PTPRD: variants seen among roughly 807,000 people sequenced by gnomAD.
PTPRD encodes the protein protein tyrosine phosphatase receptor type D, also known as receptor-type tyrosine-protein phosphatase delta.
In PTPRD, 34 loss-of-function variants were observed where a neutral mutation model predicts 214.5. The observed-to-expected ratio is 0.16, with a 90% confidence interval of 0.12 to 0.21. The LOEUF (loss-of-function observed/expected upper bound fraction) is 0.21. Ranked by LOEUF, PTPRD falls within the 10% of genes least tolerant of loss-of-function variation. PTPRD has a pLI of 1.00. For synonymous variants in PTPRD, 1,128 were observed against 845.7 expected (o/e 1.33, Z -5.79); for missense variants, 2,545 against 2,398.7 (o/e 1.06, Z -1.27).
intron 8 of PTPRD, among the ~76,000 whole-genome samples, chr9:9,566,822 T>C (rs928723001): frequency 6.6e-6 from 1 of 151,992 alleles, no homozygotes; most frequent in African/African-American, 2.4e-5. Flanking sequence ...TACTTTCTTC[T>C]CATGGAAAAA....
intron 7 of PTPRD, among the ~76,000 whole-genome samples, chr9:9,580,232 G>A (rs1265759965): frequency 1.3e-5 from 2 of 152,082 alleles, no homozygotes; most frequent in Non-Finnish European, 1.5e-5. Context: ...ATCAAGTAGT[G>A]GGATTGCTGG....
chr9:9,289,861 C>A (rs895904100), intron 9 of PTPRD, among the ~76,000 whole-genome samples: 1 of 151,644 alleles, frequency 6.6e-6, no homozygotes, highest in African/African-American at 2.4e-5. Context: ...TATCTCTCAG[C>A]AGACACTTAG....
chr9:8,548,321 G>A (rs1215277351), intron 14 of PTPRD, among the ~76,000 whole-genome samples: 1 of 152,090 alleles, frequency 6.6e-6, no homozygotes, highest in Non-Finnish European at 1.5e-5. Flanking sequence ...GTGACAAGCT[G>A]GAAGGAATCT....
At chr9:9,951,623 G>C (rs1415979017) in intron 4 of PTPRD, among the ~76,000 whole-genome samples, 2 of 152,196 alleles carry the variant, frequency 1.3e-5, no homozygotes, top group Non-Finnish European at 2.9e-5. Flanking sequence ...TATCTGAGAT[G>C]AATTTCTTAC....
chr9:8,674,456 C>CAAAAAAAAAAAAAAAAAAAAAAAA, intron 12 of PTPRD, among the ~76,000 whole-genome samples: 1 of 62,332 alleles, frequency 1.6e-5, no homozygotes, highest in Non-Finnish European at 2.8e-5. Context: ...GACGCTGTCT[C>CAAAAAAAAAAAAAAAAAAAAAAAA]AAAAAAAAAA....
chr9:8,353,928 GTGTGTGTACATATATATA>G (rs2076285595), intron 39 of PTPRD, among the ~76,000 whole-genome samples: 1 of 105,854 alleles, frequency 9.4e-6, no homozygotes, highest in African/African-American at 4.9e-5. Flanking sequence ...GTATATATAT[GTGTGTGTACATATATATA>G]TATATATATA....
intron 7 of PTPRD, among the ~76,000 whole-genome samples, chr9:9,613,458 A>G (rs76577183): frequency 6.6e-6 from 1 of 152,076 alleles, no homozygotes; most frequent in African/African-American, 2.4e-5. Flanking sequence ...TTTGCCATCT[A>G]CTTTTGATAC....
chr9:10,480,514 A>T (rs1053144962), intron 2 of PTPRD, among the ~76,000 whole-genome samples: 69 of 152,214 alleles, frequency 4.5e-4, no homozygotes, highest in Admixed American at 1.4e-3. Context: ...TAAATAGAAA[A>T]AAAGCAAGAC....
chr9:8,673,928 C>T (rs1052481932), intron 12 of PTPRD, among the ~76,000 whole-genome samples: 2 of 152,120 alleles, frequency 1.3e-5, no homozygotes, highest in African/African-American at 4.8e-5. Context: ...AGTAGCACAT[C>T]CTGCCCCCTA....
intron 3 of PTPRD, among the ~76,000 whole-genome samples, chr9:10,083,353 G>T (rs2098274267): frequency 6.6e-6 from 1 of 151,882 alleles, no homozygotes; most frequent in Non-Finnish European, 1.5e-5. Context: ...TGCCTATGTA[G>T]GTTTTCATAT....
intron 2 of PTPRD, among the ~76,000 whole-genome samples, chr9:10,584,928 C>G (rs192147266): frequency 6.6e-6 from 1 of 152,200 alleles, no homozygotes; most frequent in Admixed American, 6.5e-5. Flanking sequence ...AAACCATCAC[C>G]CAAACTACTC....
rs1265762685 is a variant in PTPRD, at chr9:10,017,816, G to A, written c.-472+15902C>T. Among the ~76,000 whole-genome samples, 4 of 151,920 alleles carry A rather than the reference G, an allele frequency of 2.6e-5. No individual in the cohort carries two copies. The East Asian group carries it at 5.8e-4, about 22-fold the overall frequency. On this transcript the variant is annotated intron_variant, in intron 4 of 45. Coordinates refer to ENST00000381196, the MANE Select transcript of PTPRD (RefSeq NM_002839.4). ...TTGGGAGAATTAATTTTTCAAGAAT[G>A]TCTTGATGAAACTTTCCCCAATTGA... is the stretch of plus-strand genomic sequence containing the variant.
intron 10 of PTPRD, among the ~76,000 whole-genome samples, chr9:9,053,668 C>A (rs2099690818): frequency 6.6e-6 from 1 of 152,046 alleles, no homozygotes; most frequent in Admixed American, 6.6e-5. Flanking sequence ...GTGACCAAGT[C>A]TGTGGTACTT....
At chr9:8,726,381 G>A (rs1272675485) in intron 12 of PTPRD, among the ~76,000 whole-genome samples, 1 of 151,032 alleles carries the variant, frequency 6.6e-6, no homozygotes, top group Non-Finnish European at 1.5e-5. Context: ...TTGAGCTCAG[G>A]AGTTCGAGAC....
At chr9:8,737,781 G>C (rs551005811) in intron 11 of PTPRD, among the ~76,000 whole-genome samples, 42 of 152,240 alleles carry the variant, frequency 2.8e-4, no homozygotes, top group Admixed American at 1.2e-3. Flanking sequence ...CTCCTGAGTG[G>C]CTGGGATTAC....
At chr9:10,351,614 A>G (rs566122916) in intron 2 of PTPRD, among the ~76,000 whole-genome samples, 12 of 152,094 alleles carry the variant, frequency 7.9e-5, no homozygotes, top group Non-Finnish European at 1.2e-4. Context: ...TTATCCAAGA[A>G]ATAATACTGG....
chr9:10,058,694 T>G (rs1270927362), intron 3 of PTPRD, among the ~76,000 whole-genome samples: 1 of 152,124 alleles, frequency 6.6e-6, no homozygotes, highest in Non-Finnish European at 1.5e-5. Context: ...GCTTCTCATA[T>G]TGAGTTATTT....
intron 9 of PTPRD, among the ~76,000 whole-genome samples, chr9:9,356,054 T>C (rs954906466): frequency 1.3e-5 from 2 of 151,294 alleles, no homozygotes; most frequent in Non-Finnish European, 3.0e-5. Context: ...AGTGGAATGA[T>C]GGAGTAAAAG....
At chr9:10,279,774 G>T (rs12236566) in intron 3 of PTPRD, among the ~76,000 whole-genome samples, 10,445 of 151,812 alleles carry the variant, frequency 0.069, 433 homozygotes, top group East Asian at 0.16. Context: ...ACACTATAAG[G>T]GATCTAAGTG....
Sources: allele counts gnomAD v4.1 joint callset (sites outside exome capture counted in the v4.1 genomes callset), GRCh38; gene constraint gnomAD v4.1.1; transcripts MANE v1.5; gene names NCBI Gene and HGNC (gene_info 2026-07-23, HGNC 2026-07-21).